Variants in EML2 observed in about 807,000 individuals in gnomAD.
EML2 encodes echinoderm microtubule-associated protein-like 2.
EML2 carries 59 observed loss-of-function variants against 84.7 expected under a neutral mutation model. The ratio of observed to expected loss-of-function variants is 0.70; its 90% CI spans 0.56 to 0.86. The LOEUF is 0.86. Among genes scored for constraint, EML2 ranks in the 40% least tolerant of loss-of-function variants. The pLI, the probability that EML2 is intolerant of heterozygous loss-of-function variation, is 0.00. For synonymous variants in EML2, 352 were observed against 348.9 expected, an observed-to-expected ratio of 1.01 and a Z score of -0.10; for missense variants, 818 against 855.6, an observed-to-expected ratio of 0.96 and a Z score of 0.55.
chr19:45,621,747 C>A, intron 9 of EML2, 110 bp from the exon 10 acceptor site: 1 of 1,276,642 alleles, frequency 7.8e-7, no homozygotes, highest in Non-Finnish European at 1.1e-6. Context: ...CCCACTTTTC[C>A]ACCTTTTTTT....
At chr19:45,622,852 C>G (rs1971868563) in intron 9 of EML2, among the ~76,000 whole-genome samples, 1 of 151,370 alleles carries the variant, frequency 6.6e-6, no homozygotes, top group Non-Finnish European at 1.5e-5. Flanking sequence ...TTGAGACCAT[C>G]CTGGCTAACA....
intron 12 of EML2, 150 bp downstream of exon 12, chr19:45,618,910 G>A (rs935706502): frequency 1.8e-5 from 15 of 843,868 alleles, no homozygotes; most frequent in South Asian, 2.6e-5. Flanking sequence ...TCGTGCCATT[G>A]CCCTCCAGCC....
intron 8 of EML2, 33 bp from the exon 9 acceptor site, chr19:45,624,851 C>G: frequency 6.6e-7 from 1 of 1,522,266 alleles, no homozygotes; most frequent in Non-Finnish European, 9.0e-7. Context: ...GGTGTCAGAG[C>G]GTCACTGAAG....
At chr19:45,629,606 G>A (rs1276493678) in intron 7 of EML2, among the ~76,000 whole-genome samples, 14 of 151,236 alleles carry the variant, frequency 9.3e-5, no homozygotes, top group African/African-American at 2.9e-4. Context: ...TTACAGGCGT[G>A]AGCCACCGTG....
chr19:45,638,462 C>T (rs1345233703), intron 3 of EML2, 43 bp downstream of exon 3: 9 of 1,612,878 alleles, frequency 5.6e-6, no homozygotes, highest in Non-Finnish European at 5.9e-6. Context: ...CTATTTCCTC[C>T]TGGGGGGATG....
chr19:45,618,126 C>T (rs778655153), intron 12 of EML2, among the ~76,000 whole-genome samples: 4 of 151,884 alleles, frequency 2.6e-5, no homozygotes, highest in Admixed American at 6.6e-5. Context: ...TGCAGTGGCA[C>T]GGTCTCAGCT....
upstream of EML2, among the ~76,000 whole-genome samples, chr19:45,643,204 G>T (rs1033047977): frequency 1.2e-4 from 18 of 152,050 alleles, no homozygotes; most frequent in African/African-American, 3.4e-4. Context: ...AAGCCAAAAG[G>T]TCATGCCTAG....
At chr19:45,624,545 A>T (rs927342611) in intron 9 of EML2, among the ~76,000 whole-genome samples, 174 bp downstream of exon 9, 1 of 151,804 alleles carries the variant, frequency 6.6e-6, no homozygotes, top group African/African-American at 2.4e-5. Context: ...GGCAGGGGGG[A>T]GTCAATAAAG....
At chr19:45,633,182 G>A in intron 4 of EML2, 43 bp from the exon 5 acceptor site, 2 of 1,580,590 alleles carry the variant, frequency 1.3e-6, no homozygotes, top group Non-Finnish European at 1.7e-6. Context: ...CAGTGGGAGA[G>A]AAGAGGCTCA....
intron 12 of EML2, among the ~76,000 whole-genome samples, chr19:45,617,971 G>C (rs1971275804): frequency 6.6e-6 from 1 of 152,180 alleles, no homozygotes; most frequent in Non-Finnish European, 1.5e-5. Flanking sequence ...ATTCATCCAA[G>C]ACGACTTCTT....
At position 45,624,745 on chromosome 19, in the gene EML2, C is replaced by T; in HGVS notation, c.815G>A (p.Gly272Glu). 2 of 1,613,850 alleles carry T rather than the reference C, an allele frequency of 1.2e-6. No individual in the cohort carries two copies. The highest frequency in any genetic ancestry group is 1.7e-4 in the Middle Eastern group (1 of 6,060). ...TTTGCCCCAAACATAGAGGTTCCCCCCAGAGTCCCCCGTGACCACGTCGCC... is the reference window on the plus strand; with the variant it reads ...TTTGCCCCAAACATAGAGGTTCCCCTCAGAGTCCCCCGTGACCACGTCGCC... ...EGGDVVTGDS[G>E]GNLYVWGKGG... The change falls in exon 9 of 19, where the codon GGG (glycine) becomes GAG (glutamate). Residue 272 changes from glycine to glutamate, a missense_variant. Gly to Glu is a moderately conservative substitution (Grantham distance 98, BLOSUM62 -2). Transcript: ENST00000245925.
At chr19:45,620,633 G>A (rs949945488) in intron 11 of EML2, among the ~76,000 whole-genome samples, 9 of 151,534 alleles carry the variant, frequency 5.9e-5, no homozygotes, top group African/African-American at 9.7e-5. Flanking sequence ...CACTTGAAGC[G>A]GGAGGCAGAG....
chr19:45,616,492 C>A lies in EML2; in HGVS notation c.1478G>T (p.Gly493Val). 2 of 1,595,198 alleles carry A rather than the reference C, an allele frequency of 1.3e-6. No homozygotes were observed. The highest frequency in any genetic ancestry group is 1.7e-6 in the Non-Finnish European group (2 of 1,165,304). Reference sequence around the variant, plus strand: ...CTTGCCCAGGCGGCTGACCTTGCGGCCGCCCTGGTCCACCGTGTACACGTA... The same window carrying A: ...CTTGCCCAGGCGGCTGACCTTGCGGACGCCCTGGTCCACCGTGTACACGTA... The part of the protein sequence containing the change: ...LVYVYTVDQG[G>V]RKVSRLGKCS... The change falls in exon 15 of 19, where the codon GGC becomes GTC. Residue 493 changes from glycine to valine, a missense_variant. Gly to Val is a moderately radical substitution (Grantham distance 109). Transcript: ENST00000245925.
rs1972118323 is a variant in EML2 at position 45,624,832 on chromosome 19, G to A, written c.742-14C>T. ...TTTCTCATGTTTCTAAGGTGGGGGA[G>A]GAAAGGAAGGTGTCAGAGCGTCACT... On this transcript the variant is annotated splice_polypyrimidine_tract_variant and intron_variant, in intron 8 of 18. Transcript: ENST00000245925. 1 of 1,593,500 alleles carries A rather than the reference G, an allele frequency of 6.3e-7. No homozygotes were observed. The highest frequency in any genetic ancestry group is 1.3e-5 in the African/African-American group (1 of 74,470).
intron 9 of EML2, chr19:45,623,508 G>A (rs562371414): frequency 1.6e-4 from 25 of 151,988 alleles, no homozygotes; most frequent in African/African-American, 4.6e-4. Context: ...CAGCCTGGGC[G>A]CTAGAGTGAG....
Position 45,634,370 on chromosome 19 carries a change from T to G in EML2, c.281A>C (p.Glu94Ala). 1 of 1,614,020 alleles carries G rather than the reference T, an allele frequency of 6.2e-7. No individual in the cohort carries two copies. Among genetic ancestry groups the G allele is most frequent in the Non-Finnish European group, 8.5e-7 (1 of 1,179,956 alleles). The change falls in exon 4 of 19, where the codon GAG becomes GCG. Residue 94 changes from glutamate to alanine, a missense_variant. Physicochemically the swap from Glu to Ala is moderately radical, Grantham distance 107. Transcript: ENST00000245925. Reference protein sequence around the residue: ...VASVAVLYSVEEQRQRHYLGH... With the variant: ...VASVAVLYSVAEQRQRHYLGH... ...CAGGTAGTGTCGCTGCCTCTGCTCC[T>G]CCACGCTGTATAGCACGGCTACGGA...
intron 8 of EML2, among the ~76,000 whole-genome samples, chr19:45,625,488 C>T (rs973025082): frequency 6.6e-6 from 1 of 152,150 alleles, no homozygotes; most frequent in East Asian, 1.9e-4. Flanking sequence ...GTGATCCACC[C>T]GCCTCGGCCT....
chr19:45,612,068 T>C (rs1024093580), intron 18 of EML2, among the ~76,000 whole-genome samples: 5 of 151,840 alleles, frequency 3.3e-5, no homozygotes, highest in African/African-American at 1.2e-4. Context: ...TTTTTTTTTT[T>C]TGAGACAAAG....
intron 7 of EML2, among the ~76,000 whole-genome samples, chr19:45,628,019 C>T (rs573135996): frequency 1.3e-5 from 2 of 151,836 alleles, no homozygotes; most frequent in African/African-American, 2.4e-5. Flanking sequence ...GAGCCGAGAT[C>T]GTGCCAGTGC....
Sources: allele counts gnomAD v4.1 joint callset (sites outside exome capture counted in the v4.1 genomes callset), GRCh38; gene constraint gnomAD v4.1.1; transcripts MANE v1.5; gene names NCBI Gene and HGNC (gene_info 2026-07-23, HGNC 2026-07-21).